The following NOX3 variants were observed in gnomAD, a reference collection of about 807,000 sequenced individuals.
NOX3 encodes the protein NADPH oxidase catalytic subunit-like 3.
A neutral mutation model predicts 76.7 loss-of-function variants in NOX3; 74 were observed. The observed-to-expected ratio is 0.96, with a 90% CI of 0.80 to 1.17. NOX3 has a LOEUF of 1.17. NOX3 is among the 50% of genes most tolerant of loss of function. The pLI, the probability that NOX3 is intolerant of heterozygous loss-of-function variation, is 0.00. For synonymous variants in NOX3, 263 were observed against 261.1 expected, an observed-to-expected ratio of 1.01 and a Z score of -0.07; for missense variants, 695 against 703.3, an observed-to-expected ratio of 0.99 and a Z score of 0.13.
At chr6:155,447,700 G>T (rs1777081730) in intron 4 of NOX3, among the ~76,000 whole-genome samples, 1 of 152,142 alleles carries the variant, frequency 6.6e-6, no homozygotes, top group African/African-American at 2.4e-5. Context: ...ATACAAAGTG[G>T]AATATTTTAT....
rs777267782 is a variant in NOX3 at position 155,428,961 on chromosome 6, C to G, written c.978G>C (p.Gln326His). The change falls in exon 9 of 14, where the codon CAG becomes CAC. Residue 326 changes from glutamine (Q) to histidine (H), a missense_variant. Transcript: ENST00000159060. Reference sequence around the variant, plus strand: ...ACTCCAGCGAAGATATGGCTGGGCACTGCACCAAGATGTACTGCCCTGGCG... The same window carrying G: ...ACTCCAGCGAAGATATGGCTGGGCAGTGCACCAAGATGTACTGCCCTGGCG... ...KMAPGQYILVQCPAISSLEWH... is the reference protein window; with the variant it reads ...KMAPGQYILVHCPAISSLEWH... The G allele has an allele frequency of 1.2e-6, 2 of 1,614,100 alleles. No individual in the cohort carries two copies. The highest frequency in any genetic ancestry group is 3.3e-5 in the Admixed American group (2 of 60,018).
chr6:155,429,321 A>G (rs1776801020), intron 8 of NOX3, among the ~76,000 whole-genome samples: 1 of 152,186 alleles, frequency 6.6e-6, no homozygotes, highest in Non-Finnish European at 1.5e-5. Context: ...CATGTGTCCA[A>G]TGGCCAGGCT....
At chr6:155,409,892 A>T (rs893460592) in intron 11 of NOX3, among the ~76,000 whole-genome samples, 18 of 152,188 alleles carry the variant, frequency 1.2e-4, no homozygotes, top group Non-Finnish European at 1.5e-5. Context: ...TCGCCAAATC[A>T]ACTTCAGTTC....
chr6:155,423,672 G>A (rs956786124), intron 9 of NOX3, among the ~76,000 whole-genome samples: 1 of 151,784 alleles, frequency 6.6e-6, no homozygotes, highest in South Asian at 2.1e-4. Context: ...ACTGCCACAC[G>A]GCCTTTGCAT....
intron 7 of NOX3, among the ~76,000 whole-genome samples, chr6:155,434,337 C>A (rs920900022): frequency 2.0e-5 from 3 of 152,190 alleles, no homozygotes; most frequent in African/African-American, 7.2e-5. Flanking sequence ...CTTCTCCGGC[C>A]TAGGACGACC....
intron 4 of NOX3, among the ~76,000 whole-genome samples, chr6:155,449,394 C>T (rs995522969): frequency 3.9e-5 from 6 of 152,052 alleles, no homozygotes; most frequent in Admixed American, 3.9e-4. Flanking sequence ...TCTTCAAGGT[C>T]TGCTGTGGAC....
chr6:155,440,189 G>T, intron 5 of NOX3, 52 bp from the exon 6 acceptor site: 1 of 1,386,254 alleles, frequency 7.2e-7, no homozygotes, highest in Non-Finnish European at 9.7e-7. Flanking sequence ...AAAACACCTT[G>T]ACATTAAATA....
chr6:155,440,885 A>G (rs766533176), intron 5 of NOX3, among the ~76,000 whole-genome samples: 1 of 152,162 alleles, frequency 6.6e-6, no homozygotes, highest in South Asian at 2.1e-4. Flanking sequence ...GTTCCTAATA[A>G]AGCAGCTGCA....
intron 10 of NOX3, among the ~76,000 whole-genome samples, chr6:155,422,256 C>G (rs1288837997): frequency 2.6e-5 from 4 of 152,166 alleles, no homozygotes; most frequent in African/African-American, 4.8e-5. Flanking sequence ...CACCCCACAG[C>G]AAGCCGGCCA....
intron 9 of NOX3, among the ~76,000 whole-genome samples, chr6:155,427,162 G>A (rs1005490070): frequency 2.6e-5 from 4 of 152,028 alleles, no homozygotes; most frequent in African/African-American, 9.7e-5. Context: ...AAAGAAAATA[G>A]TCATGTGTTC....
chr6:155,421,125 T>C (rs1264688346), intron 10 of NOX3, among the ~76,000 whole-genome samples: 1 of 152,138 alleles, frequency 6.6e-6, no homozygotes, highest in Non-Finnish European at 1.5e-5. Context: ...AAAATATTGC[T>C]CCAGGGTTGC....
intron 9 of NOX3, among the ~76,000 whole-genome samples, chr6:155,424,804 G>C (rs1054511675): frequency 6.6e-6 from 1 of 152,140 alleles, no homozygotes; most frequent in African/African-American, 2.4e-5. Context: ...AAGAAAACCT[G>C]TCCATAGATT....
In NOX3 at chr6:155,422,775, G is replaced by C. The variant is rs756473137; in HGVS notation, c.1227C>G (p.Ile409Met). 1 of 1,614,134 alleles carries C rather than the reference G, an allele frequency of 6.2e-7. No individual in the cohort carries two copies. Among genetic ancestry groups the C allele is most frequent in the Non-Finnish European group, 8.5e-7 (1 of 1,179,996 alleles). Residue 409 changes from isoleucine (I) to methionine (M), a missense_variant, in exon 10 of 14, where the codon ATC (isoleucine) becomes ATG (methionine). Physicochemically the swap from Ile to Met is conservative, Grantham distance 10. Coordinates refer to ENST00000159060, the MANE Select transcript of NOX3 (RefSeq NM_015718.3). ...GAAGAGCAGCGAAGGGAGTGACTCCGATCCCCGCGGCAACGCACACACACA... is the reference window on the plus strand; with the variant it reads ...GAAGAGCAGCGAAGGGAGTGACTCCCATCCCCGCGGCAACGCACACACACA... The part of the protein sequence containing the change: ...YPVCVCVAAG[I>M]GVTPFAALLK...
intron 7 of NOX3, among the ~76,000 whole-genome samples, chr6:155,431,454 T>G (rs1776833030): frequency 1.2e-5 from 1 of 84,242 alleles, no homozygotes; most frequent in African/African-American, 4.1e-5. Context: ...ACACAGTTAT[T>G]TGGAGTAAAA....
At chr6:155,428,375 TAAG>T (rs988075993) in intron 9 of NOX3, among the ~76,000 whole-genome samples, 1 of 152,156 alleles carries the variant, frequency 6.6e-6, no homozygotes, top group African/African-American at 2.4e-5. Flanking sequence ...TGGGTCTTTA[TAAG>T]AAGAGGACAC....
intron 10 of NOX3, among the ~76,000 whole-genome samples, chr6:155,414,124 G>C (rs1776592787): frequency 6.6e-6 from 1 of 152,130 alleles, no homozygotes; most frequent in African/African-American, 2.4e-5. Flanking sequence ...GGGCAGCTTT[G>C]GTGTAAGAGG....
intron 6 of NOX3, among the ~76,000 whole-genome samples, chr6:155,439,245 A>G (rs537737562): frequency 2.0e-5 from 3 of 152,246 alleles, no homozygotes; most frequent in Non-Finnish European, 4.4e-5. Flanking sequence ...GGGACAAGCT[A>G]GTTCACAGAC....
intron 4 of NOX3, among the ~76,000 whole-genome samples, chr6:155,445,969 A>ATATATATGCTATATATATATATAT (rs1380551108): frequency 1.3e-3 from 124 of 96,644 alleles, no homozygotes; most frequent in African/African-American, 5.0e-3. Flanking sequence ...ATATATATAT[A>ATATATATGCTATATATATATATAT]ATATATATAT....
At position 155,411,285 on chromosome 6, in the gene NOX3, G is replaced by A. The variant is rs368929361; in HGVS notation, c.1384C>T (p.Arg462Trp). The A allele has an allele frequency of 7.3e-5, 117 of 1,613,732 alleles. No individual in the cohort carries two copies. Among genetic ancestry groups the A allele is most frequent in the Non-Finnish European group, 9.3e-5 (110 of 1,179,804 alleles). Residue 462 changes from arginine (R) to tryptophan (W), a missense_variant, in exon 11 of 14, where the codon CGG becomes TGG. By Grantham distance (101) the Arg-to-Trp change is moderately radical. Transcript: ENST00000159060. ...TGAGTTTTCCCCTGCTCACTCATCC[G>A]TGTTTCCAGGGAGAGTAAGAGATCA... ...FADLLLSLETRMSEQGKTHFL... is the reference protein window; with the variant it reads ...FADLLLSLETWMSEQGKTHFL...
Sources: gnomAD v4.1 joint callset for allele counts (sites outside exome capture counted in the v4.1 genomes callset) on GRCh38, gnomAD v4.1.1 for gene constraint, MANE v1.5 for transcripts, NCBI Gene and HGNC (gene_info 2026-07-23, HGNC 2026-07-21) for gene names.